The following NF1 variants were observed in gnomAD, a reference collection of about 807,000 sequenced individuals.
NF1 encodes the protein neurofibromin 1.
A neutral mutation model predicts 325.7 loss-of-function variants in NF1; 122 were observed. That is an observed-to-expected ratio of 0.37 (90% confidence interval 0.32 to 0.44). NF1 has a LOEUF of 0.44. Among genes scored for constraint, NF1 ranks in the 20% least tolerant of loss-of-function variants. The probability of loss-of-function intolerance (pLI) is 1.00; values close to 1 mark genes in which losing one functional copy is unlikely to be tolerated. For synonymous variants in NF1, 1,091 were observed against 1,186.0 expected (o/e 0.92, Z 1.65); for missense variants, 2,140 against 3,415.4 (o/e 0.63, Z 9.31).
intron 36 of NF1, among the ~76,000 whole-genome samples, chr17:31,285,277 TAA>T (rs36047376): frequency 8.3e-5 from 10 of 120,838 alleles, no homozygotes; most frequent in Non-Finnish European, 1.0e-4. Context: ...AGATTCTGTT[TAA>T]AAAAAAAAAA....
chr17:31,366,618 G>A (rs2070527288), intron 57 of NF1, among the ~76,000 whole-genome samples: 1 of 152,200 alleles, frequency 6.6e-6, no homozygotes, highest in Non-Finnish European at 1.5e-5. Context: ...GCTGGGCACA[G>A]TGGCACATGC....
chr17:31,344,367 A>T (rs2069913617), intron 48 of NF1, among the ~76,000 whole-genome samples: 1 of 152,238 alleles, frequency 6.6e-6, no homozygotes, highest in South Asian at 2.1e-4. Flanking sequence ...TCATGGCCAG[A>T]GACTGCAGTT....
chr17:31,239,556 GA>G (rs370524944), intron 29 of NF1, among the ~76,000 whole-genome samples: 10 of 149,528 alleles, frequency 6.7e-5, no homozygotes, highest in African/African-American at 1.7e-4. Flanking sequence ...AAGATGGGGG[GA>G]GGAATCAGAA....
intron 8 of NF1, among the ~76,000 whole-genome samples, chr17:31,197,107 C>T (rs991487307): frequency 4.0e-5 from 6 of 151,534 alleles, no homozygotes; most frequent in Admixed American, 2.0e-4. Flanking sequence ...TACAGTGGCG[C>T]GATCTCGGCT....
At chr17:31,257,982 A>T (rs2067612277) in intron 31 of NF1, among the ~76,000 whole-genome samples, 1 of 152,112 alleles carries the variant, frequency 6.6e-6, no homozygotes, top group South Asian at 2.1e-4. Flanking sequence ...CATGTCTGTT[A>T]ATCTTAGTAA....
chr17:31,322,158 G>A (rs966064174), intron 36 of NF1, among the ~76,000 whole-genome samples: 1 of 149,290 alleles, frequency 6.7e-6, no homozygotes, highest in African/African-American at 2.5e-5. Flanking sequence ...ATCACCTCAA[G>A]TTTAACATGA....
chr17:31,181,934 T>C lies in NF1; in HGVS notation c.730+149T>C, dbSNP rs1024348891. On this transcript the variant is annotated intron_variant, in intron 7 of 57. Coordinates refer to ENST00000358273, the MANE Select transcript of NF1 (RefSeq NM_001042492.3). ...ACTGGTGTCAAATAGGAAATACTGT[T>C]TTTCTCTTACATTTCTAAATTAGGC... 2.6e-5 allele frequency: 17 copies of C among 666,008 alleles called. No individual in the cohort carries two copies. The Admixed American group carries it at 2.8e-4, about 11-fold the overall frequency. The allele number at this position is 666,008 out of a possible 1,614,324, so 41.3% of individuals were successfully genotyped here. A position where few individuals can be genotyped will look rare whatever the true frequency, so the allele number is the denominator to read the frequency against.
chr17:31,208,187 T>C (rs933699051), intron 12 of NF1, among the ~76,000 whole-genome samples: 2 of 152,216 alleles, frequency 1.3e-5, no homozygotes, highest in South Asian at 4.1e-4. Flanking sequence ...AGAATTTAGT[T>C]TTTATTTCTA....
At chr17:31,226,318 GACACACACAC>G (rs59547221) in intron 17 of NF1, 107 bp from the exon 18 acceptor site, 258 of 690,018 alleles carry the variant, frequency 3.7e-4, no homozygotes, top group African/African-American at 1.1e-3. Context: ...TGTATGCGGA[GACACACACAC>G]ACACACACAC....
chr17:31,326,477 G>A lies in NF1; in HGVS notation c.5268+225G>A, dbSNP rs935115511. ...AGCCTGGCCAACACGGTGAAACCCCGTCTCTACTAAAAATACAAACATTAG... is the reference window on the plus strand; with the variant it reads ...AGCCTGGCCAACACGGTGAAACCCCATCTCTACTAAAAATACAAACATTAG... On this transcript the variant is annotated intron_variant, in intron 37 of 57. Transcript: ENST00000358273. Among the ~76,000 whole-genome samples, 38 of 152,054 alleles carry A rather than the reference G, an allele frequency of 2.5e-4. 1 individual carries two copies. The highest frequency in any genetic ancestry group is 5.8e-4 in the African/African-American group (24 of 41,406).
chr17:31,337,972 A>G, intron 44 of NF1, 53 bp from the exon 45 acceptor site: 5 of 1,541,442 alleles, frequency 3.2e-6, no homozygotes, highest in Non-Finnish European at 4.5e-6. Context: ...TTTATTATTT[A>G]GTATATATAA....
intron 8 of NF1, among the ~76,000 whole-genome samples, chr17:31,186,879 A>G (rs896162773): frequency 1.1e-4 from 16 of 152,172 alleles, no homozygotes; most frequent in African/African-American, 3.4e-4. Flanking sequence ...TGAGTGTCCA[A>G]TTTGCCAGCA....
At chr17:31,280,090 A>C (rs1005766550) in intron 36 of NF1, among the ~76,000 whole-genome samples, 1 of 152,058 alleles carries the variant, frequency 6.6e-6, no homozygotes, top group Non-Finnish European at 1.5e-5. Flanking sequence ...CTTCACTCTC[A>C]TGCTACCAAC....
intron 1 of NF1, among the ~76,000 whole-genome samples, chr17:31,116,107 A>C (rs1462169354): frequency 6.6e-6 from 1 of 152,220 alleles, no homozygotes; most frequent in Non-Finnish European, 1.5e-5. Flanking sequence ...TCATGCAGAT[A>C]TCTCACTAAT....
chr17:31,158,849 G>A (rs1462616448), intron 2 of NF1, among the ~76,000 whole-genome samples, 161 bp from the exon 3 acceptor site: 1 of 152,002 alleles, frequency 6.6e-6, no homozygotes, highest in Non-Finnish European at 1.5e-5. Flanking sequence ...TTTTTATGAG[G>A]ATTAGGATAA....
intron 5 of NF1, among the ~76,000 whole-genome samples, chr17:31,175,173 A>T (rs1243098089): frequency 2.6e-5 from 4 of 151,190 alleles, no homozygotes; most frequent in African/African-American, 9.7e-5. Flanking sequence ...ATACTATGGA[A>T]AAGAACAGGT....
intron 1 of NF1, among the ~76,000 whole-genome samples, chr17:31,122,312 A>G (rs547864268): frequency 6.6e-6 from 1 of 152,280 alleles, no homozygotes; most frequent in African/African-American, 2.4e-5. Flanking sequence ...ATTTAAGTGA[A>G]TAAGAGTTGA....
chr17:31,163,038 A>G, intron 3 of NF1, 148 bp from the exon 4 acceptor site: 1 of 700,862 alleles, frequency 1.4e-6, no homozygotes, highest in Non-Finnish European at 2.4e-6. Flanking sequence ...AGCAAATATG[A>G]TGAAACGTTA....
intron 14 of NF1, among the ~76,000 whole-genome samples, chr17:31,219,511 T>C (rs559022874): frequency 6.6e-6 from 1 of 152,220 alleles, no homozygotes; most frequent in African/African-American, 2.4e-5. Flanking sequence ...CTTTTAAGTT[T>C]TAGGTTACAT....
Sources: allele counts gnomAD v4.1 joint callset (sites outside exome capture counted in the v4.1 genomes callset), GRCh38; gene constraint gnomAD v4.1.1; transcripts MANE v1.5; gene names NCBI Gene and HGNC (gene_info 2026-07-23, HGNC 2026-07-21).